Variants in ZDHHC14 observed in about 807,000 individuals in gnomAD.
The protein encoded by ZDHHC14 is palmitoyltransferase ZDHHC14.
Under a neutral mutation model 47.7 loss-of-function variants are expected in ZDHHC14, and 16 were observed. The ratio of observed to expected loss-of-function variants is 0.34; its 90% CI spans 0.23 to 0.51. The LOEUF (loss-of-function observed/expected upper bound fraction) is 0.51. ZDHHC14 is among the 20% of genes least tolerant of loss of function. ZDHHC14 has a pLI of 0.97. For synonymous variants in ZDHHC14, 293 were observed against 278.9 expected (o/e 1.05, Z -0.50); for missense variants, 515 against 662.5 (o/e 0.78, Z 2.44).
At chr6:157,506,736 C>T (rs9457639) in intron 1 of ZDHHC14, among the ~76,000 whole-genome samples, 6,872 of 152,150 alleles carry the variant, frequency 0.045, 395 homozygotes, top group Admixed American at 0.16. Flanking sequence ...TTATATTGGT[C>T]CCTGGGGGAA....
At chr6:157,399,882 G>A (rs1454737252) in intron 1 of ZDHHC14, among the ~76,000 whole-genome samples, 1 of 152,214 alleles carries the variant, frequency 6.6e-6, no homozygotes, top group East Asian at 1.9e-4. Context: ...TTTGAAAGGG[G>A]ACAGGGAGGA....
At chr6:157,617,428 G>A (rs975875830) in intron 3 of ZDHHC14, among the ~76,000 whole-genome samples, 5 of 152,028 alleles carry the variant, frequency 3.3e-5, no homozygotes, top group Admixed American at 2.0e-4. Flanking sequence ...TGGACTCATC[G>A]CAGTTGGCTT....
intron 1 of ZDHHC14, among the ~76,000 whole-genome samples, chr6:157,428,348 T>G (rs543804403): frequency 6.6e-6 from 1 of 152,242 alleles, no homozygotes; most frequent in Non-Finnish European, 1.5e-5. Context: ...CAGGGTAGTG[T>G]TTTTCTAAAC....
intron 1 of ZDHHC14, among the ~76,000 whole-genome samples, chr6:157,483,518 T>C (rs1165306707): frequency 6.6e-6 from 1 of 152,154 alleles, no homozygotes; most frequent in African/African-American, 2.4e-5. Context: ...AGTGGGAAAA[T>C]GGCAAAGTGA....
At chr6:157,636,091 C>A (rs1776959792) in intron 5 of ZDHHC14, among the ~76,000 whole-genome samples, 1 of 152,086 alleles carries the variant, frequency 6.6e-6, no homozygotes, top group Non-Finnish European at 1.5e-5. Flanking sequence ...AAAACCCAGA[C>A]GCAGGCCACA....
rs770871466 is a variant in ZDHHC14 at position 157,647,338 on chromosome 6, G to A, written c.935G>A (p.Cys312Tyr). The A allele has an allele frequency of 6.2e-7, 1 of 1,614,092 alleles. No homozygotes were observed. The highest frequency in any genetic ancestry group is 1.7e-5 in the Admixed American group (1 of 60,016). ...TACGGAAATATCTTTACCAACTGCTGTGTTGCCCTGTGTGGGCCCATCTCA... is the reference window on the plus strand; with the variant it reads ...TACGGAAATATCTTTACCAACTGCTATGTTGCCCTGTGTGGGCCCATCTCA... ...YSYGNIFTNCCVALCGPISPS... is the reference protein window; with the variant it reads ...YSYGNIFTNCYVALCGPISPS... The change falls in exon 7 of 9, where the codon TGT becomes TAT. Residue 312 changes from cysteine (C) to tyrosine (Y), a missense_variant. Cys to Tyr is a radical substitution (Grantham distance 194). Around this residue, in one of 4 missense-constraint regions of ZDHHC14, gnomAD observed 229 missense variants for 351.5 expected, o/e 0.65. Coordinates refer to ENST00000359775, the MANE Select transcript of ZDHHC14 (RefSeq NM_024630.3).
chr6:157,565,554 C>T (rs1201543260), intron 2 of ZDHHC14, among the ~76,000 whole-genome samples: 1 of 152,110 alleles, frequency 6.6e-6, no homozygotes, highest in Non-Finnish European at 1.5e-5. Flanking sequence ...TGCAGTTGCT[C>T]GCGCCTATAA....
chr6:157,556,557 C>A (rs548635944), intron 2 of ZDHHC14, among the ~76,000 whole-genome samples: 2 of 152,360 alleles, frequency 1.3e-5, no homozygotes, highest in South Asian at 4.1e-4. Context: ...CTCCTGTCGC[C>A]AGCAGGCGGA....
intron 1 of ZDHHC14, among the ~76,000 whole-genome samples, chr6:157,385,525 G>A (rs1312342579): frequency 6.6e-6 from 1 of 152,228 alleles, no homozygotes; most frequent in Non-Finnish European, 1.5e-5. Context: ...TCCCCTGTCT[G>A]CAATTCTTCT....
chr6:157,605,752 A>G (rs919211177), intron 3 of ZDHHC14, among the ~76,000 whole-genome samples: 4 of 152,236 alleles, frequency 2.6e-5, no homozygotes, highest in Non-Finnish European at 4.4e-5. Flanking sequence ...GGAACGCTGT[A>G]GTATGTCCAA....
At position 157,529,013 on chromosome 6, in the gene ZDHHC14, C is replaced by CTGAAA. The variant is rs1582892623; in HGVS notation, c.246-13572_246-13571insTGAAA. 1.9e-5 allele frequency: 3 copies of CTGAAA among 154,256 alleles called. No homozygotes were observed. The East Asian group carries it at 5.8e-4, about 30-fold the overall frequency. 9.6% of individuals were successfully genotyped at this position (154,256 alleles called of 1,614,324 possible). ...CACATGGTATTTTTCAGGTTTCTCC[C>CTGAAA]AATGAGTTCAAAGAGTTTCATTGAA... On this transcript the variant is annotated intron_variant, in intron 1 of 8. Transcript: ENST00000359775.
intron 1 of ZDHHC14, among the ~76,000 whole-genome samples, chr6:157,405,311 C>A (rs1164457308): frequency 1.3e-5 from 2 of 152,180 alleles, no homozygotes; most frequent in Non-Finnish European, 2.9e-5. Flanking sequence ...CGGTTCACTG[C>A]AAGCTCCGCC....
At chr6:157,558,179 GC>G (rs1782555216) in intron 2 of ZDHHC14, among the ~76,000 whole-genome samples, 2 of 152,214 alleles carry the variant, frequency 1.3e-5, no homozygotes, top group South Asian at 2.1e-4. Context: ...CAATATGTGT[GC>G]CCAAGAGCCC....
chr6:157,566,601 G>A (rs1562484515), intron 2 of ZDHHC14, among the ~76,000 whole-genome samples: 6 of 152,212 alleles, frequency 3.9e-5, no homozygotes, highest in South Asian at 2.1e-4. Flanking sequence ...ACACTCTGGC[G>A]GGCTGGACAC....
At chr6:157,662,733 A>T (rs968069436) in intron 8 of ZDHHC14, among the ~76,000 whole-genome samples, 1 of 152,272 alleles carries the variant, frequency 6.6e-6, no homozygotes, top group African/African-American at 2.4e-5. Flanking sequence ...GGATGAAATT[A>T]ATCTGTGAAC....
chr6:157,604,724 A>G (rs1322546780), intron 3 of ZDHHC14, among the ~76,000 whole-genome samples: 3 of 152,110 alleles, frequency 2.0e-5, no homozygotes, highest in Non-Finnish European at 2.9e-5. Context: ...TTGTAATTTT[A>G]GTAGAGACGG....
intron 8 of ZDHHC14, among the ~76,000 whole-genome samples, chr6:157,668,817 T>G (rs1778667041): frequency 1.3e-5 from 2 of 152,240 alleles, no homozygotes; most frequent in Admixed American, 1.3e-4. Flanking sequence ...TCAAGAGCAT[T>G]TCCAACAAGG....
intron 1 of ZDHHC14, among the ~76,000 whole-genome samples, chr6:157,519,871 G>C (rs1388572681): frequency 6.6e-6 from 1 of 152,182 alleles, no homozygotes; most frequent in Non-Finnish European, 1.5e-5. Context: ...GAAGTCAAAG[G>C]GTCCTGATTG....
intron 2 of ZDHHC14, among the ~76,000 whole-genome samples, chr6:157,560,130 C>T (rs1782648756): frequency 6.6e-6 from 1 of 152,208 alleles, no homozygotes; most frequent in Non-Finnish European, 1.5e-5. Context: ...GCCAATGGCT[C>T]TAAAGTCATG....
Sources: allele counts gnomAD v4.1 joint callset (sites outside exome capture counted in the v4.1 genomes callset), GRCh38; gene constraint gnomAD v4.1.1; regional missense constraint gnomAD v4.1.1; transcripts MANE v1.5; gene names NCBI Gene and HGNC (gene_info 2026-07-23, HGNC 2026-07-21).